SLAIN2: variants seen among roughly 807,000 people sequenced by gnomAD.
SLAIN2 encodes SLAIN family member 2, also known as SLAIN motif-containing protein 2.
A neutral mutation model predicts 56.6 loss-of-function variants in SLAIN2; 31 were observed. That is an observed-to-expected ratio of 0.55 (90% confidence interval 0.41 to 0.74). The LOEUF (loss-of-function observed/expected upper bound fraction) is 0.74, where lower values mean the gene tolerates loss of function less well. Among genes scored for constraint, SLAIN2 ranks in the 30% least tolerant of loss-of-function variants. SLAIN2 has a pLI of 0.00. For missense variants in SLAIN2, 777 were observed against 754.2 expected (o/e 1.03, Z -0.35); for synonymous variants, 317 against 284.9 (o/e 1.11, Z -1.13).
intron 6 of SLAIN2, among the ~76,000 whole-genome samples, chr4:48,413,677 G>C (rs1002595237): frequency 6.6e-6 from 1 of 152,128 alleles, no homozygotes; most frequent in African/African-American, 2.4e-5. Context: ...TTTAATAAAT[G>C]ATGTTTCCTG....
chr4:48,394,682 A>G, intron 6 of SLAIN2: 1 of 1,519,936 alleles, frequency 6.6e-7, no homozygotes, highest in Non-Finnish European at 8.8e-7. Context: ...TCAGTTTAAA[A>G]TTTCAGCAAA....
Position 48,423,429 on chromosome 4 carries a change from C to A in SLAIN2, c.*1352C>A, listed in dbSNP as rs1184898300. ...GGCCTCTCATTTTTTATTATGAGGT[C>A]TGTTTTTAAATACTTAATTTGAACA... On this transcript the variant is annotated 3_prime_UTR_variant, in exon 8 of 8. Coordinates refer to ENST00000264313, the MANE Select transcript of SLAIN2 (RefSeq NM_020846.2). 2 of 152,058 alleles carry A rather than the reference C, an allele frequency of 1.3e-5. No homozygotes were observed. The highest frequency in any genetic ancestry group is 2.9e-5 in the Non-Finnish European group (2 of 68,004). 9.4% of individuals were successfully genotyped at this position (152,058 alleles called of 1,614,324 possible). A position where few individuals can be genotyped will look rare whatever the true frequency, so the allele number is the denominator to read the frequency against.
chr4:48,373,992 C>G (rs999798479), intron 2 of SLAIN2, among the ~76,000 whole-genome samples: 2 of 151,964 alleles, frequency 1.3e-5, no homozygotes, highest in Non-Finnish European at 2.9e-5. Context: ...GAGCCAAGAT[C>G]GTGCCATTGC....
At position 48,383,638 on chromosome 4, in the gene SLAIN2, C is replaced by G; in HGVS notation, c.1223-9C>G. On this transcript the variant is annotated splice_polypyrimidine_tract_variant and intron_variant, in intron 5 of 7. Transcript: ENST00000264313. ...ATATGATTTTTTTAAAATTAAAATT[C>G]TGTTGCAGAAAAACTAAGACGCAGT... The G allele has an allele frequency of 6.6e-7, 1 of 1,504,002 alleles. No individual in the cohort carries two copies. The highest frequency in any genetic ancestry group is 1.3e-5 in the South Asian group (1 of 74,222). 93.2% of individuals were successfully genotyped at this position (1,504,002 alleles called of 1,614,324 possible).
At chr4:48,347,766 C>G (rs552970701) in intron 1 of SLAIN2, among the ~76,000 whole-genome samples, 3 of 152,240 alleles carry the variant, frequency 2.0e-5, no homozygotes, top group African/African-American at 7.2e-5. Flanking sequence ...AAACAGTTTC[C>G]CTGTTTCCAT....
At chr4:48,342,553 G>A (rs962777948) in intron 1 of SLAIN2, among the ~76,000 whole-genome samples, 2 of 152,060 alleles carry the variant, frequency 1.3e-5, no homozygotes, top group Admixed American at 1.3e-4. Flanking sequence ...CACCAGGTGT[G>A]GGGGTCAGGG....
chr4:48,392,349 GA>G (rs1470943194), intron 6 of SLAIN2, among the ~76,000 whole-genome samples: 1 of 152,100 alleles, frequency 6.6e-6, no homozygotes, highest in Non-Finnish European at 1.5e-5. Context: ...AAACTTGAGG[GA>G]TAAATAGGGG....
intron 2 of SLAIN2, among the ~76,000 whole-genome samples, chr4:48,376,847 G>A (rs1356235020): frequency 6.7e-6 from 1 of 148,822 alleles, no homozygotes; most frequent in Non-Finnish European, 1.5e-5. Context: ...TCCTGACCTC[G>A]TGATCCGCCC....
At chr4:48,381,358 T>C (rs1715966799) in intron 4 of SLAIN2, among the ~76,000 whole-genome samples, 1 of 152,312 alleles carries the variant, frequency 6.6e-6, no homozygotes, top group Non-Finnish European at 1.5e-5. Flanking sequence ...CTACAGCTTT[T>C]TTTTTGTCTT....
intron 1 of SLAIN2, among the ~76,000 whole-genome samples, chr4:48,346,663 T>C (rs1417651483): frequency 6.6e-6 from 1 of 152,214 alleles, no homozygotes; most frequent in Non-Finnish European, 1.5e-5. Flanking sequence ...TATCACCACT[T>C]ATCTGAATAG....
intron 6 of SLAIN2, among the ~76,000 whole-genome samples, chr4:48,390,627 T>A (rs2109769167): frequency 6.6e-6 from 1 of 152,278 alleles, no homozygotes; most frequent in Admixed American, 6.5e-5. Flanking sequence ...AAAAAATAAA[T>A]AATAAAATCA....
chr4:48,406,803 A>G (rs756514042), intron 6 of SLAIN2, among the ~76,000 whole-genome samples: 207 of 152,224 alleles, frequency 1.4e-3, no homozygotes, highest in Middle Eastern at 3.4e-3. Flanking sequence ...ACTTGAAAGT[A>G]ATTGTCTAGA....
rs565161424 is a variant in SLAIN2, at chr4:48,418,160, CTCT to C, written c.1361-1957_1361-1955del. On this transcript the variant is annotated intron_variant, in intron 6 of 7. Coordinates refer to ENST00000264313, the MANE Select transcript of SLAIN2 (RefSeq NM_020846.2). ...CCTCCTTCTTTCTCCTTCCTTCTCC[CTCT>C]TCTTCTTTTTTTTTTTTCTTGTTTA... Among the ~76,000 whole-genome samples, 206 of 150,666 alleles carry C rather than the reference CTCT, an allele frequency of 1.4e-3. 1 individual carries two copies. The highest frequency in any genetic ancestry group is 3.6e-3 in the African/African-American group (147 of 40,858).
intron 1 of SLAIN2, among the ~76,000 whole-genome samples, chr4:48,344,108 T>C (rs551894027): frequency 6.6e-6 from 1 of 152,356 alleles, no homozygotes; most frequent in South Asian, 2.1e-4. Flanking sequence ...AAGCAAGTCT[T>C]CCTTAAATAC....
At chr4:48,396,564 A>G (rs1423884666) in intron 6 of SLAIN2, among the ~76,000 whole-genome samples, 2 of 152,194 alleles carry the variant, frequency 1.3e-5, no homozygotes, top group African/African-American at 4.8e-5. Flanking sequence ...AGGGGTCTGC[A>G]TTGACTGGCA....
intron 1 of SLAIN2, among the ~76,000 whole-genome samples, chr4:48,345,151 A>G (rs953011597): frequency 2.0e-5 from 3 of 152,230 alleles, no homozygotes; most frequent in African/African-American, 7.2e-5. Context: ...CCAGGTCTTT[A>G]TACATCATAG....
chr4:48,405,298 T>C (rs1716664763), intron 6 of SLAIN2, among the ~76,000 whole-genome samples: 1 of 152,210 alleles, frequency 6.6e-6, no homozygotes, highest in African/African-American at 2.4e-5. Context: ...CTTCTGAACT[T>C]TCATAGCAGT....
chr4:48,414,742 T>C (rs1411403636), intron 6 of SLAIN2, among the ~76,000 whole-genome samples: 1 of 103,690 alleles, frequency 9.6e-6, no homozygotes, highest in Non-Finnish European at 1.9e-5. Flanking sequence ...CAGAGTGTGA[T>C]ATTCCCCTTC....
intron 1 of SLAIN2, among the ~76,000 whole-genome samples, chr4:48,357,735 G>A (rs382335): frequency 0.55 from 83,516 of 151,370 alleles, 23,527 homozygotes; most frequent in South Asian, 0.69. Flanking sequence ...TTGCATTTTT[G>A]GTAGAGACAA....
Sources: gnomAD v4.1 joint callset for allele counts (sites outside exome capture counted in the v4.1 genomes callset) on GRCh38, gnomAD v4.1.1 for gene constraint, MANE v1.5 for transcripts, NCBI Gene and HGNC (gene_info 2026-07-23, HGNC 2026-07-21) for gene names.